The following SUCO variants were observed in gnomAD, a reference collection of about 807,000 sequenced individuals.
The protein encoded by SUCO is SUN domain-containing ossification factor.
SUCO carries 57 observed loss-of-function variants against 148.1 expected under a neutral mutation model. That is an observed-to-expected ratio of 0.38 (90% CI 0.31 to 0.48). The LOEUF is 0.48. Ranked by LOEUF, SUCO falls within the 20% of genes least tolerant of loss-of-function variation. The pLI is 0.96. For missense variants in SUCO, 1,331 were observed against 1,468.2 expected, an observed-to-expected ratio of 0.91 and a Z score of 1.53; for synonymous variants, 470 against 502.7, an observed-to-expected ratio of 0.93 and a Z score of 0.87.
intron 19 of SUCO, among the ~76,000 whole-genome samples, chr1:172,594,688 C>T (rs1036744041): frequency 6.6e-6 from 1 of 152,128 alleles, no homozygotes; most frequent in African/African-American, 2.4e-5. Context: ...CTGAGGAGTG[C>T]TTTACCTCCA....
At chr1:172,561,322 G>A (rs530487614) in intron 6 of SUCO, among the ~76,000 whole-genome samples, 11 of 152,306 alleles carry the variant, frequency 7.2e-5, no homozygotes, top group African/African-American at 2.6e-4. Flanking sequence ...TATCAAGTAA[G>A]GGTTTGGGTA....
chr1:172,546,119 A>G (rs974633682), intron 1 of SUCO, among the ~76,000 whole-genome samples: 4 of 152,086 alleles, frequency 2.6e-5, no homozygotes, highest in Admixed American at 1.3e-4. Flanking sequence ...TATGTTTTGT[A>G]GAGACGGAGT....
At position 172,610,417 on chromosome 1, in the gene SUCO, C is replaced by A; in HGVS notation, c.*158C>A. The A allele has an allele frequency of 1.7e-6, 2 of 1,190,940 alleles. No homozygotes were observed. The highest frequency in any genetic ancestry group is 2.2e-6 in the Non-Finnish European group (2 of 893,846). 73.8% of individuals were successfully genotyped at this position (1,190,940 alleles called of 1,614,324 possible). On this transcript the variant is annotated 3_prime_UTR_variant, in exon 24 of 24. Transcript: ENST00000263688. ...TTTTAAAAAGTAGATGGGATTGTGT[C>A]AATCTTGGTTAATGAGCTACAGTTT...
chr1:172,598,936 AC>A (rs1300166514), intron 19 of SUCO, among the ~76,000 whole-genome samples: 2 of 151,772 alleles, frequency 1.3e-5, no homozygotes, highest in Non-Finnish European at 2.9e-5. Context: ...AGTTTTATAC[AC>A]CCCCCCTCTC....
chr1:172,554,449 G>T (rs1482371037), intron 3 of SUCO, among the ~76,000 whole-genome samples: 2 of 152,160 alleles, frequency 1.3e-5, no homozygotes, highest in Admixed American at 6.6e-5. Context: ...TTTACTGTAA[G>T]TGTAAAATAC....
chr1:172,543,617 T>C (rs1005477569), intron 1 of SUCO, among the ~76,000 whole-genome samples: 2 of 152,190 alleles, frequency 1.3e-5, no homozygotes, highest in African/African-American at 2.4e-5. Context: ...GAATTTGATA[T>C]GTGGAATATT....
chr1:172,532,570 C>A (rs371183733), upstream of SUCO: 64 of 1,613,830 alleles, frequency 4.0e-5, no homozygotes, highest in Non-Finnish European at 5.2e-5. Flanking sequence ...GTGCAGCTTC[C>A]CTCACAACAC....
At chr1:172,558,970 A>G (rs1243496682) in intron 6 of SUCO, among the ~76,000 whole-genome samples, 1 of 152,208 alleles carries the variant, frequency 6.6e-6, no homozygotes, top group Non-Finnish European at 1.5e-5. Context: ...AACTGTATTA[A>G]TTACTTTCTA....
upstream of SUCO, chr1:172,532,638 G>T: frequency 6.2e-7 from 1 of 1,614,046 alleles, no homozygotes; most frequent in Non-Finnish European, 8.5e-7. Context: ...CAGTGCAACA[G>T]TTCCAAAGCT....
chr1:172,555,359 T>A, intron 3 of SUCO: 1 of 985,024 alleles, frequency 1.0e-6, no homozygotes, highest in Non-Finnish European at 1.2e-6. Flanking sequence ...TTAGGTAGAT[T>A]TCACATTGTG....
intron 14 of SUCO, among the ~76,000 whole-genome samples, chr1:172,578,816 T>C (rs1655654888): frequency 6.6e-6 from 1 of 152,024 alleles, no homozygotes; most frequent in Admixed American, 6.5e-5. Context: ...AGAGGAAAGT[T>C]TTATGACACT....
At chr1:172,535,974 A>C (rs1024232553) in intron 1 of SUCO, among the ~76,000 whole-genome samples, 2 of 152,138 alleles carry the variant, frequency 1.3e-5, no homozygotes, top group Non-Finnish European at 2.9e-5. Context: ...ATAGTTTATA[A>C]TTTTTGATCA....
chr1:172,597,275 A>G (rs1350292899), intron 19 of SUCO, among the ~76,000 whole-genome samples: 1 of 152,068 alleles, frequency 6.6e-6, no homozygotes, highest in South Asian at 2.1e-4. Context: ...CTCACACTCC[A>G]TGGGCTGCAC....
intron 21 of SUCO, 163 bp downstream of exon 21, chr1:172,602,381 A>G (rs1274777290): frequency 3.1e-6 from 3 of 980,602 alleles, no homozygotes; most frequent in Non-Finnish European, 3.6e-6. Context: ...AGATGGTCCT[A>G]TGCCTAACCT....
At chr1:172,600,704 GTGTGTGT>G (rs1369747585) in intron 20 of SUCO, among the ~76,000 whole-genome samples, 1 of 36,262 alleles carries the variant, frequency 2.8e-5, no homozygotes, top group Non-Finnish European at 6.4e-5. Context: ...AAATGTGTGT[GTGTGTGT>G]GTGTGTGTGT....
At chr1:172,573,850 T>A (rs769087230) in intron 9 of SUCO, 41 bp from the exon 10 acceptor site, 16 of 1,120,592 alleles carry the variant, frequency 1.4e-5, no homozygotes, top group Non-Finnish European at 2.0e-5. Context: ...TGAACTGTTA[T>A]TTTGATTGGT....
intron 7 of SUCO, chr1:172,569,624 G>A: frequency 2.0e-6 from 1 of 488,972 alleles, no homozygotes. Flanking sequence ...GTTATTAGGT[G>A]CAGCACACCA....
chr1:172,556,993 G>T, intron 4 of SUCO: 3 of 979,774 alleles, frequency 3.1e-6, no homozygotes, highest in Non-Finnish European at 3.6e-6. Context: ...AATGCTGGTA[G>T]AATTAGTATA....
At chr1:172,553,512 C>T (rs1362670750) in intron 3 of SUCO, 142 bp downstream of exon 3, 1 of 449,922 alleles carries the variant, frequency 2.2e-6, no homozygotes, top group Non-Finnish European at 3.9e-6. Context: ...AGATTACTTA[C>T]CTGCTAATAG....
Sources: gnomAD v4.1 joint callset for allele counts (sites outside exome capture counted in the v4.1 genomes callset) on GRCh38, gnomAD v4.1.1 for gene constraint, MANE v1.5 for transcripts, NCBI Gene and HGNC (gene_info 2026-07-23, HGNC 2026-07-21) for gene names.